The following ARB2A variants were observed in gnomAD, a reference collection of about 807,000 sequenced individuals.
ARB2A encodes cotranscriptional regulator ARB2A.
chr5:93,961,007 A>G, the ARB2A span, among the ~76,000 whole-genome samples: 1 of 152,154 alleles, frequency 6.6e-6, no homozygotes, highest in African/African-American at 2.4e-5. Flanking sequence ...ACATTATATA[A>G]AAATAGGAGA....
chr5:93,953,804 AG>A, the ARB2A span, among the ~76,000 whole-genome samples: 1 of 152,024 alleles, frequency 6.6e-6, no homozygotes, highest in Non-Finnish European at 1.5e-5. Context: ...GAACCTACCC[AG>A]TTTTCTATTT....
At chr5:94,005,786 C>T in the ARB2A span, among the ~76,000 whole-genome samples, 1 of 152,184 alleles carries the variant, frequency 6.6e-6, no homozygotes, top group African/African-American at 2.4e-5. Flanking sequence ...GAAAAGATGT[C>T]TCCATCATTA....
chr5:93,970,288 T>C, the ARB2A span, among the ~76,000 whole-genome samples: 1 of 152,068 alleles, frequency 6.6e-6, no homozygotes, highest in Admixed American at 6.6e-5. Flanking sequence ...ATCCTGACTT[T>C]AAACGTAAAG....
chr5:94,001,590 G>C, the ARB2A span, among the ~76,000 whole-genome samples: 1 of 152,030 alleles, frequency 6.6e-6, no homozygotes, highest in Non-Finnish European at 1.5e-5. Context: ...CCTCAGTCAT[G>C]TCCAGTCCAC....
At chr5:93,916,556 A>G in the ARB2A span, among the ~76,000 whole-genome samples, 1 of 152,150 alleles carries the variant, frequency 6.6e-6, no homozygotes, top group African/African-American at 2.4e-5. Context: ...AAAAGTAGAA[A>G]TACATATTGG....
chr5:93,730,954 A>C, the ARB2A span, among the ~76,000 whole-genome samples: 1 of 152,196 alleles, frequency 6.6e-6, no homozygotes, highest in African/African-American at 2.4e-5. Context: ...TTTCCTGAGA[A>C]GATAACCCTA....
the ARB2A span, among the ~76,000 whole-genome samples, chr5:93,717,440 CTT>C: frequency 0.029 from 3,114 of 107,268 alleles, 104 homozygotes; most frequent in African/African-American, 0.093. Context: ...ACCACAGTTG[CTT>C]TTTTTTTTTT....
chr5:93,700,629 C>T, the ARB2A span, among the ~76,000 whole-genome samples: 7 of 152,144 alleles, frequency 4.6e-5, no homozygotes, highest in South Asian at 1.5e-3. Flanking sequence ...GAGAGTACTA[C>T]TTATTATGAA....
At chr5:93,875,298 C>A in the ARB2A span, among the ~76,000 whole-genome samples, 10 of 151,956 alleles carry the variant, frequency 6.6e-5, no homozygotes, top group Admixed American at 6.6e-4. Flanking sequence ...GTGGCGTGAT[C>A]TCGGCTGGCT....
the ARB2A span, among the ~76,000 whole-genome samples, chr5:94,073,814 T>C: frequency 1.3e-5 from 2 of 152,254 alleles, no homozygotes; most frequent in East Asian, 1.9e-4. Flanking sequence ...TTCCATTCTC[T>C]GCTGAAAGTT....
chr5:93,927,401 T>C, the ARB2A span, among the ~76,000 whole-genome samples: 6 of 152,120 alleles, frequency 3.9e-5, no homozygotes, highest in African/African-American at 1.2e-4. Flanking sequence ...GGATGACCCA[T>C]GTGATTGATG....
chr5:93,648,321 G>T, the ARB2A span, among the ~76,000 whole-genome samples: 1 of 151,936 alleles, frequency 6.6e-6, no homozygotes, highest in African/African-American at 2.4e-5. Context: ...AGTACATTAT[G>T]TTAGTAAAAA....
the ARB2A span, among the ~76,000 whole-genome samples, chr5:93,640,086 A>T: frequency 6.6e-6 from 1 of 151,286 alleles, no homozygotes; most frequent in African/African-American, 2.4e-5. Flanking sequence ...AAAAAAAAAA[A>T]AATTTATGAA....
the ARB2A span, among the ~76,000 whole-genome samples, chr5:93,796,009 A>T: frequency 6.6e-6 from 1 of 152,202 alleles, no homozygotes; most frequent in African/African-American, 2.4e-5. Context: ...AAATAACCCA[A>T]ACTTCAAATA....
chr5:93,697,240 T>C, the ARB2A span, among the ~76,000 whole-genome samples: 1 of 152,030 alleles, frequency 6.6e-6, no homozygotes, highest in Non-Finnish European at 1.5e-5. Context: ...TCAGACCTAA[T>C]AATTACTAGT....
the ARB2A span, among the ~76,000 whole-genome samples, chr5:93,785,886 G>T: frequency 6.6e-6 from 1 of 151,924 alleles, no homozygotes; most frequent in African/African-American, 2.4e-5. Flanking sequence ...CCTTCTTCTA[G>T]ATTTTATTTT....
the ARB2A span, among the ~76,000 whole-genome samples, chr5:93,924,820 C>T: frequency 2.6e-5 from 4 of 152,128 alleles, no homozygotes; most frequent in Non-Finnish European, 4.4e-5. Context: ...TAAAGTATTA[C>T]ATAATATAGG....
chr5:93,983,115 T>A, the ARB2A span, among the ~76,000 whole-genome samples: 2 of 151,956 alleles, frequency 1.3e-5, no homozygotes. Flanking sequence ...CGGAGCCACC[T>A]TATATATGTG....
chr5:94,054,020 C>T, the ARB2A span, among the ~76,000 whole-genome samples: 1 of 152,204 alleles, frequency 6.6e-6, no homozygotes, highest in Non-Finnish European at 1.5e-5. Flanking sequence ...CTGCCCACCT[C>T]AGCCTCCCAA....
Sources: allele counts gnomAD v4.1 joint callset (sites outside exome capture counted in the v4.1 genomes callset), GRCh38; gene constraint gnomAD v4.1.1; transcripts MANE v1.5; gene names NCBI Gene and HGNC (gene_info 2026-07-23, HGNC 2026-07-21).